Variants in PPARGC1A observed in about 807,000 individuals in gnomAD.
PPARGC1A encodes PPARG coactivator 1 alpha, also known as peroxisome proliferator-activated receptor gamma coactivator 1-alpha.
PPARGC1A carries 25 observed loss-of-function variants against 88.7 expected under a neutral mutation model. That is an observed-to-expected ratio of 0.28 (90% CI 0.21 to 0.39). PPARGC1A has a LOEUF of 0.39. PPARGC1A is among the 10% of genes least tolerant of loss of function. PPARGC1A has a pLI of 1.00. For synonymous variants in PPARGC1A, 363 were observed against 355.6 expected, an observed-to-expected ratio of 1.02 and a Z score of -0.24; for missense variants, 880 against 968.7, an observed-to-expected ratio of 0.91 and a Z score of 1.22.
the PPARGC1A span, among the ~76,000 whole-genome samples, chr4:24,324,175 T>A: frequency 6.6e-6 from 1 of 152,174 alleles, no homozygotes. Flanking sequence ...TAGCGGCAAG[T>A]CCTGCTTTTC....
At chr4:24,117,150 G>A in the PPARGC1A span, among the ~76,000 whole-genome samples, 35 of 152,224 alleles carry the variant, frequency 2.3e-4, no homozygotes, top group African/African-American at 8.4e-4. Context: ...AAATCCCAAA[G>A]TAATAATATC....
chr4:24,120,190 A>G, the PPARGC1A span, among the ~76,000 whole-genome samples: 9 of 152,164 alleles, frequency 5.9e-5, no homozygotes, highest in Non-Finnish European at 1.2e-4. Flanking sequence ...CCAGTTGATA[A>G]GTGGGATCTG....
chr4:24,283,226 T>C, the PPARGC1A span, among the ~76,000 whole-genome samples: 1 of 152,168 alleles, frequency 6.6e-6, no homozygotes, highest in Non-Finnish European at 1.5e-5. Flanking sequence ...CAAGGTTCAC[T>C]GTCAGTTACT....
the PPARGC1A span, among the ~76,000 whole-genome samples, chr4:24,142,854 T>C: frequency 3.3e-5 from 5 of 152,084 alleles, no homozygotes; most frequent in Admixed American, 1.3e-4. Flanking sequence ...TTTAGAATTA[T>C]AGGTGTAGGG....
the PPARGC1A span, among the ~76,000 whole-genome samples, chr4:24,140,093 G>A: frequency 1.3e-5 from 2 of 152,136 alleles, no homozygotes; most frequent in South Asian, 2.1e-4. Context: ...TTGCTCGGTC[G>A]AGAGCCAAAA....
chr4:23,853,412 C>T (rs1729657339), intron 2 of PPARGC1A, among the ~76,000 whole-genome samples: 1 of 151,690 alleles, frequency 6.6e-6, no homozygotes, highest in South Asian at 2.1e-4. Context: ...TAAAGACTTC[C>T]TAAGTTACAT....
the PPARGC1A span, among the ~76,000 whole-genome samples, chr4:24,335,310 A>G: frequency 2.6e-5 from 4 of 152,222 alleles, no homozygotes; most frequent in African/African-American, 9.6e-5. Flanking sequence ...ACTGAGATTC[A>G]TGGAAGTTAG....
the PPARGC1A span, among the ~76,000 whole-genome samples, chr4:24,133,185 C>A: frequency 6.6e-6 from 1 of 152,092 alleles, no homozygotes; most frequent in Non-Finnish European, 1.5e-5. Context: ...TGGTTTCCCC[C>A]CTGGGGGGTG....
chr4:24,058,233 A>G, the PPARGC1A span, among the ~76,000 whole-genome samples: 1 of 152,206 alleles, frequency 6.6e-6, no homozygotes. Flanking sequence ...GGAGGTGAGT[A>G]TCTCATGGTC....
chr4:24,193,745 A>C, the PPARGC1A span, among the ~76,000 whole-genome samples: 1 of 152,138 alleles, frequency 6.6e-6, no homozygotes, highest in African/African-American at 2.4e-5. Flanking sequence ...TTCAGCTGGG[A>C]GCTCTGTGAG....
the PPARGC1A span, among the ~76,000 whole-genome samples, chr4:23,931,833 T>A: frequency 6.6e-5 from 10 of 152,302 alleles, no homozygotes; most frequent in African/African-American, 2.4e-4. Context: ...TATGACGATC[T>A]TTGGAGTCAG....
chr4:24,122,418 T>TGC, the PPARGC1A span, among the ~76,000 whole-genome samples: 1,527 of 96,562 alleles, frequency 0.016, 9 homozygotes, highest in African/African-American at 0.021. Flanking sequence ...TGTGTGTGCA[T>TGC]ATATATATAT....
chr4:24,035,114 T>C, the PPARGC1A span, among the ~76,000 whole-genome samples: 1 of 152,180 alleles, frequency 6.6e-6, no homozygotes, highest in African/African-American at 2.4e-5. Context: ...ATCCGGGAGA[T>C]AGTATATGTG....
At chr4:24,241,374 G>A in the PPARGC1A span, among the ~76,000 whole-genome samples, 6 of 152,334 alleles carry the variant, frequency 3.9e-5, no homozygotes, top group Non-Finnish European at 8.8e-5. Flanking sequence ...GAACTCAGCT[G>A]GAAGACAGGG....
At chr4:23,974,093 G>A in the PPARGC1A span, among the ~76,000 whole-genome samples, 5 of 152,060 alleles carry the variant, frequency 3.3e-5, no homozygotes, top group African/African-American at 1.2e-4. Context: ...TAGAGAACGG[G>A]CCCAAGTATT....
chr4:24,226,563 T>A, the PPARGC1A span, among the ~76,000 whole-genome samples: 2 of 152,292 alleles, frequency 1.3e-5, no homozygotes, highest in South Asian at 2.1e-4. Context: ...TCTGGAATAA[T>A]CCCAGGAAAG....
chr4:23,985,775 T>C, the PPARGC1A span, among the ~76,000 whole-genome samples: 7 of 152,226 alleles, frequency 4.6e-5, no homozygotes, highest in Admixed American at 3.9e-4. Flanking sequence ...CATATCTTTA[T>C]AATGGTTCTA....
intron 10 of PPARGC1A, among the ~76,000 whole-genome samples, chr4:23,806,150 G>A (rs1183958513): frequency 6.6e-6 from 1 of 152,058 alleles, no homozygotes; most frequent in Non-Finnish European, 1.5e-5. Context: ...CACAGGAATG[G>A]GGCCATGCCT....
chr4:24,466,861 C>T, the PPARGC1A span, among the ~76,000 whole-genome samples: 1 of 111,920 alleles, frequency 8.9e-6, no homozygotes, highest in Admixed American at 1.3e-4. Context: ...TTGCAGTGAG[C>T]TAAGATTGCA....
Sources: allele counts gnomAD v4.1 joint callset (sites outside exome capture counted in the v4.1 genomes callset), GRCh38; gene constraint gnomAD v4.1.1; transcripts MANE v1.5; gene names NCBI Gene and HGNC (gene_info 2026-07-23, HGNC 2026-07-21).